MECR: variants seen among roughly 807,000 people sequenced by gnomAD.
MECR encodes enoyl-[acyl-carrier-protein] reductase, mitochondrial.
MECR carries 37 observed loss-of-function variants against 49.1 expected under a neutral mutation model. The ratio of observed to expected loss-of-function variants is 0.75; its 90% CI spans 0.58 to 0.99. The LOEUF (loss-of-function observed/expected upper bound fraction) is 0.99. MECR is among the 50% of genes least tolerant of loss of function. The pLI, the probability that MECR is intolerant of heterozygous loss-of-function variation, is 0.00. For missense variants in MECR, 470 were observed against 479.6 expected, an observed-to-expected ratio of 0.98 and a Z score of 0.19; for synonymous variants, 198 against 191.1, an observed-to-expected ratio of 1.04 and a Z score of -0.30.
Position 29,193,402 on chromosome 1 carries a change from T to A in MECR, c.*620A>T. ...TGTCAAATGTCTCCTGGGGGTAAAA[T>A]TGCCTCTGGTTGAGAACCACTGGTA... On this transcript the variant is annotated 3_prime_UTR_variant, in exon 10 of 10. Transcript: ENST00000263702. 1 of 185,838 alleles carries A rather than the reference T, an allele frequency of 5.4e-6. No homozygotes were observed. The highest frequency in any genetic ancestry group is 4.3e-5 in the Admixed American group (1 of 23,434). The allele number at this position is 185,838 out of a possible 1,614,324, so 11.5% of individuals were successfully genotyped here. A position where few individuals can be genotyped will look rare whatever the true frequency, so the allele number is the denominator to read the frequency against.
At chr1:29,208,477 AATGAG>A (rs1232596798) in intron 3 of MECR, among the ~76,000 whole-genome samples, 12 of 152,236 alleles carry the variant, frequency 7.9e-5, no homozygotes, top group African/African-American at 2.9e-4. Context: ...GTAGAAATCA[AATGAG>A]ATAAGGAAAT....
chr1:29,228,575 C>G (rs1280039200), intron 1 of MECR, among the ~76,000 whole-genome samples: 2 of 152,084 alleles, frequency 1.3e-5, no homozygotes, highest in Non-Finnish European at 2.9e-5. Context: ...GTTAGCCTCC[C>G]AAAGTGCAGG....
the MECR span, chr1:29,181,902 G>C: frequency 2.0e-6 from 1 of 510,670 alleles, no homozygotes; most frequent in Non-Finnish European, 3.1e-6. Context: ...CGAGCACGCA[G>C]CTCGCGAGCG....
chr1:29,174,606 T>G, the MECR span, among the ~76,000 whole-genome samples: 1 of 150,598 alleles, frequency 6.6e-6, no homozygotes, highest in Non-Finnish European at 1.5e-5. Flanking sequence ...TATAGTATGA[T>G]TCCAAGTTTG....
chr1:29,184,746 C>G, the MECR span, among the ~76,000 whole-genome samples: 2 of 151,616 alleles, frequency 1.3e-5, no homozygotes, highest in Non-Finnish European at 2.9e-5. Context: ...AAGAGCAAAA[C>G]TCCATCTCAA....
chr1:29,223,234 G>A (rs1681201894), intron 1 of MECR: 1 of 985,222 alleles, frequency 1.0e-6, no homozygotes. Context: ...AGGTCACAAT[G>A]GCTCCTTTGA....
In MECR at chr1:29,206,782, T is replaced by G. The variant is rs1299100406; in HGVS notation, c.530A>C (p.Asp177Ala). 4 of 1,614,060 alleles carry G rather than the reference T, an allele frequency of 2.5e-6. No homozygotes were observed. The highest frequency in any genetic ancestry group is 3.4e-6 in the Non-Finnish European group (4 of 1,179,980). The change falls in exon 4 of 10, where the codon GAC (aspartate) becomes GCC (alanine). Residue 177 changes from aspartate to alanine, a missense_variant. Coordinates refer to ENST00000263702, the MANE Select transcript of MECR (RefSeq NM_016011.5). ...NPCTAYRMLM[D>A]FEQLQPGDSV... ...CCTACCTGGCTGCAGTTGCTCGAAG[T>G]CCATCAACATCCTGTAGGCTGTGCA...
the MECR span, among the ~76,000 whole-genome samples, chr1:29,187,062 G>A: frequency 1.3e-5 from 2 of 152,330 alleles, no homozygotes; most frequent in East Asian, 3.9e-4. Context: ...TGCCAGGACT[G>A]AGCCTTCTCT....
intron 6 of MECR, among the ~76,000 whole-genome samples, chr1:29,200,834 G>A (rs763513733): frequency 6.6e-6 from 1 of 151,928 alleles, no homozygotes; most frequent in Non-Finnish European, 1.5e-5. Flanking sequence ...TGTTACCCAG[G>A]CTGGAGTGCA....
chr1:29,183,880 CTTT>C, the MECR span, among the ~76,000 whole-genome samples: 5 of 125,702 alleles, frequency 4.0e-5, no homozygotes, highest in Admixed American at 7.9e-5. Context: ...ATTTATTCTA[CTTT>C]TTTTTTTTTT....
chr1:29,175,728 CAATTATA>C, the MECR span, among the ~76,000 whole-genome samples: 20 of 117,812 alleles, frequency 1.7e-4, no homozygotes, highest in African/African-American at 5.6e-4. Context: ...AAAAAATTTC[CAATTATA>C]AATATGTGCT....
At chr1:29,226,373 C>A (rs1682078665) in intron 1 of MECR, among the ~76,000 whole-genome samples, 1 of 151,984 alleles carries the variant, frequency 6.6e-6, no homozygotes, top group African/African-American at 2.4e-5. Flanking sequence ...ATTGGGGCTG[C>A]CCTTTCTACA....
chr1:29,200,599 A>G lies in MECR; in HGVS notation c.757-10T>C, dbSNP rs758280997. 1 of 1,613,362 alleles carries G rather than the reference A, an allele frequency of 6.2e-7. No individual in the cohort carries two copies. Among genetic ancestry groups the G allele is most frequent in the Non-Finnish European group, 8.5e-7 (1 of 1,179,344 alleles). On this transcript the variant is annotated splice_polypyrimidine_tract_variant and intron_variant, in intron 6 of 9. Transcript: ENST00000263702. The stretch of plus-strand genomic sequence containing the variant: ...GTGGCTGGGGCATGTCCTGGAAAAC[A>G]ACAAAAGTGCAGTGAGGGAGCATCC...
intron 1 of MECR, among the ~76,000 whole-genome samples, chr1:29,219,592 T>C (rs1574470925): frequency 6.6e-6 from 1 of 152,212 alleles, no homozygotes; most frequent in Non-Finnish European, 1.5e-5. Flanking sequence ...AGTTTACTAA[T>C]GTTTAGTTTG....
chr1:29,167,822 C>T, the MECR span, among the ~76,000 whole-genome samples: 1 of 152,090 alleles, frequency 6.6e-6, no homozygotes, highest in African/African-American at 2.4e-5. Flanking sequence ...ATAATTTATC[C>T]ATAATATTTC....
chr1:29,168,625 C>T, the MECR span: 1 of 152,106 alleles, frequency 6.6e-6, no homozygotes, highest in Non-Finnish European at 1.5e-5. Flanking sequence ...TGTGTGGGTT[C>T]AGAACATAAC....
At position 29,206,912 on chromosome 1, in the gene MECR, C is replaced by A. The variant is rs1302564785; in HGVS notation, c.407-7G>T. The A allele has an allele frequency of 6.2e-7, 1 of 1,613,782 alleles. No individual in the cohort carries two copies. Among genetic ancestry groups the A allele is most frequent in the African/African-American group, 1.3e-5 (1 of 74,874 alleles). On this transcript the variant is annotated splice_polypyrimidine_tract_variant and splice_region_variant and intron_variant, in intron 3 of 9. Coordinates refer to ENST00000263702, the MANE Select transcript of MECR (RefSeq NM_016011.5). The stretch of plus-strand genomic sequence containing the variant: ...GCCTCGGTCCGCCAGGTTCCTGAGT[C>A]AGAAGATGAAGCCAGGATCATAAGG...
At chr1:29,182,522 G>A in the MECR span, among the ~76,000 whole-genome samples, 1 of 152,056 alleles carries the variant, frequency 6.6e-6, no homozygotes, top group Non-Finnish European at 1.5e-5. Context: ...ATGACGCCGA[G>A]TAAATTACTT....
the MECR span, chr1:29,171,856 G>A: frequency 1.3e-5 from 2 of 152,142 alleles, no homozygotes; most frequent in Non-Finnish European, 2.9e-5. Flanking sequence ...TGAGAAAGGA[G>A]GAGCAAAACA....
Sources: gnomAD v4.1 joint callset for allele counts (sites outside exome capture counted in the v4.1 genomes callset) on GRCh38, gnomAD v4.1.1 for gene constraint, MANE v1.5 for transcripts, NCBI Gene and HGNC (gene_info 2026-07-23, HGNC 2026-07-21) for gene names.